NCAM2: variants seen among roughly 807,000 people sequenced by gnomAD.
NCAM2 encodes neural cell adhesion molecule 2.
A neutral mutation model predicts 98.1 loss-of-function variants in NCAM2; 30 were observed. The observed-to-expected ratio is 0.31, with a 90% CI of 0.23 to 0.41. NCAM2 has a LOEUF of 0.41. NCAM2 is among the 10% of genes least tolerant of loss of function. The pLI is 1.00. For missense variants in NCAM2, 867 were observed against 1,005.8 expected (o/e 0.86, Z 1.87); for synonymous variants, 368 against 342.4 (o/e 1.07, Z -0.83).
chr21:21,269,206 G>T (rs1370698448), intron 1 of NCAM2, among the ~76,000 whole-genome samples: 1 of 151,906 alleles, frequency 6.6e-6, no homozygotes, highest in African/African-American at 2.4e-5. Context: ...CTTAATCTTG[G>T]TACTAAACAT....
At chr21:21,164,011 C>G (rs765075339) in intron 1 of NCAM2, among the ~76,000 whole-genome samples, 1 of 152,116 alleles carries the variant, frequency 6.6e-6, no homozygotes, top group Non-Finnish European at 1.5e-5. Context: ...CCTGGAATCA[C>G]TGCAAGTGTA....
chr21:21,415,555 T>C (rs1279222515), intron 10 of NCAM2, among the ~76,000 whole-genome samples: 4 of 152,080 alleles, frequency 2.6e-5, no homozygotes, highest in Admixed American at 1.3e-4. Flanking sequence ...CAGGATGATC[T>C]CGATCTCCTG....
intron 17 of NCAM2, among the ~76,000 whole-genome samples, chr21:21,536,744 G>A (rs1198262961): frequency 6.6e-6 from 1 of 152,026 alleles, no homozygotes; most frequent in Non-Finnish European, 1.5e-5. Flanking sequence ...TGTTGTTAAG[G>A]GAGAAAAACC....
chr21:21,431,740 A>C (rs1350442452), intron 11 of NCAM2, among the ~76,000 whole-genome samples: 2 of 152,138 alleles, frequency 1.3e-5, no homozygotes, highest in African/African-American at 4.8e-5. Context: ...TATGTATTCT[A>C]ACGTTTTAAC....
chr21:21,053,577 A>T (rs935557973), intron 1 of NCAM2, among the ~76,000 whole-genome samples: 1 of 151,148 alleles, frequency 6.6e-6, no homozygotes, highest in African/African-American at 2.4e-5. Flanking sequence ...ATTTATTTAC[A>T]TATATATTAT....
At chr21:21,174,210 G>A (rs893974498) in intron 1 of NCAM2, among the ~76,000 whole-genome samples, 9 of 152,156 alleles carry the variant, frequency 5.9e-5, no homozygotes, top group South Asian at 2.1e-4. Flanking sequence ...GGTGTGAGCC[G>A]CTGCGCCTGG....
chr21:21,405,006 AC>A (rs1450178010), intron 9 of NCAM2, among the ~76,000 whole-genome samples: 1 of 152,086 alleles, frequency 6.6e-6, no homozygotes, highest in East Asian at 1.9e-4. Context: ...TTAAAGCCAT[AC>A]ATATGGCTTT....
intron 16 of NCAM2, among the ~76,000 whole-genome samples, chr21:21,529,209 G>A (rs920472478): frequency 2.0e-5 from 3 of 151,988 alleles, no homozygotes; most frequent in African/African-American, 4.8e-5. Context: ...ATGAATACCC[G>A]CTCCTCAATT....
intron 9 of NCAM2, among the ~76,000 whole-genome samples, chr21:21,387,179 CACACACAT>C (rs1420412795): frequency 1.0e-4 from 7 of 67,894 alleles, no homozygotes; most frequent in Admixed American, 4.3e-4. Context: ...TTGGTGCGCA[CACACACAT>C]ACACACACAC....
chr21:21,443,424 AT>A (rs71769670), intron 12 of NCAM2, among the ~76,000 whole-genome samples: 36,118 of 150,808 alleles, frequency 0.24, 4,451 homozygotes, highest in African/African-American at 0.3. Context: ...TAAAAGTATA[AT>A]TTTTTTTTTC....
intron 12 of NCAM2, among the ~76,000 whole-genome samples, chr21:21,438,188 A>G (rs1248692817): frequency 6.6e-6 from 1 of 152,072 alleles, no homozygotes; most frequent in Non-Finnish European, 1.5e-5. Flanking sequence ...CCTTGGTAGT[A>G]AATATATATG....
chr21:21,271,890 G>A (rs1163363353), intron 1 of NCAM2, among the ~76,000 whole-genome samples: 1 of 152,148 alleles, frequency 6.6e-6, no homozygotes, highest in South Asian at 2.1e-4. Flanking sequence ...ACCGGGGCCT[G>A]TCATGGGGTG....
intron 8 of NCAM2, among the ~76,000 whole-genome samples, chr21:21,346,645 G>A (rs1602056517): frequency 6.6e-6 from 1 of 151,858 alleles, no homozygotes; most frequent in African/African-American, 2.4e-5. Context: ...CAAAGCAAAT[G>A]TTAAAATATT....
chr21:21,138,485 T>C (rs1233000388), intron 1 of NCAM2, among the ~76,000 whole-genome samples: 1 of 152,182 alleles, frequency 6.6e-6, no homozygotes, highest in Non-Finnish European at 1.5e-5. Context: ...TTTATTTGCC[T>C]ACTACACAGT....
chr21:21,209,294 C>T (rs540482068), intron 1 of NCAM2, among the ~76,000 whole-genome samples: 22 of 152,314 alleles, frequency 1.4e-4, no homozygotes, highest in African/African-American at 5.3e-4. Context: ...CAGCTCACCA[C>T]AGCCTCGAAC....
chr21:21,527,002 T>A (rs975203671), intron 16 of NCAM2, among the ~76,000 whole-genome samples: 5 of 152,002 alleles, frequency 3.3e-5, no homozygotes, highest in Non-Finnish European at 7.4e-5. Context: ...TAAATATAAA[T>A]CAAAAAATTA....
intron 1 of NCAM2, among the ~76,000 whole-genome samples, chr21:21,113,298 A>T (rs780887660): frequency 6.6e-6 from 1 of 152,200 alleles, no homozygotes; most frequent in Non-Finnish European, 1.5e-5. Context: ...TTGTTTTAGT[A>T]ATCATTTTAT....
intron 1 of NCAM2, among the ~76,000 whole-genome samples, chr21:21,006,051 A>C (rs1224241369): frequency 1.3e-5 from 2 of 152,140 alleles, no homozygotes; most frequent in Non-Finnish European, 2.9e-5. Context: ...CAGAGATTTT[A>C]AGTTCCTTCT....
At chr21:21,466,497 A>G (rs1366336803) in intron 12 of NCAM2, 109 bp from the exon 13 acceptor site, 8 of 768,342 alleles carry the variant, frequency 1.0e-5, no homozygotes, top group Non-Finnish European at 1.1e-5. Flanking sequence ...CAGTGAAATT[A>G]TTCACTCAGA....
Sources: allele counts gnomAD v4.1 joint callset (sites outside exome capture counted in the v4.1 genomes callset), GRCh38; gene constraint gnomAD v4.1.1; transcripts MANE v1.5; gene names NCBI Gene and HGNC (gene_info 2026-07-23, HGNC 2026-07-21).